H4C8: variants seen among roughly 807,000 people sequenced by gnomAD.
The protein encoded by H4C8 is H4 clustered histone 8.
Under a neutral mutation model 6.0 loss-of-function variants are expected in H4C8, and 8 were observed. The observed-to-expected ratio is 1.33, with a 90% confidence interval of 0.78 to 2.40. The LOEUF is 2.40. H4C8 is among the 30% of genes most tolerant of loss of function. H4C8 has a pLI of 0.00. For missense variants in H4C8, 211 were observed against 143.4 expected, an observed-to-expected ratio of 1.47 and a Z score of -2.41; for synonymous variants, 118 against 51.9, an observed-to-expected ratio of 2.27 and a Z score of -5.47.
chr6:26,285,148 T>C lies in H4C8; in HGVS notation c.*40A>G. 1 of 1,531,084 alleles carries C rather than the reference T, an allele frequency of 6.5e-7. No individual in the cohort carries two copies. The highest frequency in any genetic ancestry group is 8.8e-7 in the Non-Finnish European group (1 of 1,136,964). 94.8% of individuals were successfully genotyped at this position (1,531,084 alleles called of 1,614,324 possible). On this transcript the variant is annotated 3_prime_UTR_variant, in exon 1 of 1. Coordinates refer to ENST00000377727, the MANE Select transcript of H4C8 (RefSeq NM_003543.4). The stretch of plus-strand genomic sequence containing the variant: ...AAGTGGGCGGCCCTGAAAAGGGCCT[T>C]TGGTTGAAAATGAAAATAAGAGTGC...
In H4C8 at chr6:26,285,173, C is replaced by G. The variant is rs949964265; in HGVS notation, c.*15G>C. The G allele has an allele frequency of 1.3e-6, 2 of 1,565,606 alleles. No individual in the cohort carries two copies. Among genetic ancestry groups the G allele is most frequent in the Non-Finnish European group, 1.7e-6 (2 of 1,151,314 alleles). Reference sequence around the variant, plus strand: ...TTGGTTGAAAATGAAAATAAGAGTGCAGCAAGCAGGAGCCTTAGCCACCGA... The same window carrying G: ...TTGGTTGAAAATGAAAATAAGAGTGGAGCAAGCAGGAGCCTTAGCCACCGA... On this transcript the variant is annotated 3_prime_UTR_variant, in exon 1 of 1. Coordinates refer to ENST00000377727, the MANE Select transcript of H4C8 (RefSeq NM_003543.4).
Position 26,285,240 on chromosome 6 carries a change from A to G in H4C8, c.260T>C (p.Val87Ala). The change falls in exon 1 of 1, where the codon GTG becomes GCG. Residue 87 changes from valine to alanine, a missense_variant. Coordinates refer to ENST00000377727, the MANE Select transcript of H4C8 (RefSeq NM_003543.4). ...TCCCTGTCGCTTCAGCGCGTAGACCACATCCATTGCTGTCACGGTCTTGCG... is the reference window on the plus strand; with the variant it reads ...TCCCTGTCGCTTCAGCGCGTAGACCGCATCCATTGCTGTCACGGTCTTGCG... ...AKRKTVTAMD[V>A]VYALKRQGRT... The G allele has an allele frequency of 6.2e-7, 1 of 1,613,488 alleles. No individual in the cohort carries two copies. Among genetic ancestry groups the G allele is most frequent in the Non-Finnish European group, 8.5e-7 (1 of 1,179,428 alleles).
At position 26,285,329 on chromosome 6, in the gene H4C8, A is replaced by C. The variant is rs1561771277; in HGVS notation, c.171T>G (p.Gly57=). The change falls in exon 1 of 1, where the codon GGT becomes GGG. Residue 57 remains glycine, a synonymous_variant. Coordinates refer to ENST00000377727, the MANE Select transcript of H4C8 (RefSeq NM_003543.4). ...CGTTCTCCAGGAACACCTTCAGAAC[A>C]CCACGAGTCTCCTCATAGATAAGGC... ...ISGLIYEETR[G]VLKVFLENVI... 1.2e-6 allele frequency: 2 copies of C among 1,614,074 alleles called. No homozygotes were observed. The highest frequency in any genetic ancestry group is 1.7e-6 in the Non-Finnish European group (2 of 1,180,014).
At position 26,285,275 on chromosome 6, in the gene H4C8, C is replaced by T. The variant is rs41266829; in HGVS notation, c.225G>A (p.Glu75=). ...NVIRDAVTYT[E]HAKRKTVTAM... is the part of the protein sequence containing the mutation. ...CTGTCACGGTCTTGCGTTTGGCGTG[C>T]TCTGTGTAAGTGACAGCGTCACGAA... is the stretch of plus-strand genomic sequence containing the variant. The change falls in exon 1 of 1, where the codon GAG becomes GAA. Residue 75 remains glutamate, a synonymous_variant. Coordinates refer to ENST00000377727, the MANE Select transcript of H4C8 (RefSeq NM_003543.4). 0.14 allele frequency: 220,750 copies of T among 1,613,960 alleles called. 15,867 individuals carry two copies. The highest frequency in any genetic ancestry group is 0.21 in the Middle Eastern group (1,283 of 6,060).
At position 26,285,264 on chromosome 6, in the gene H4C8, C is replaced by G; in HGVS notation, c.236G>C (p.Arg79Pro). The change falls in exon 1 of 1, where the codon CGC becomes CCC. Residue 79 changes from arginine (R) to proline (P), a missense_variant. By Grantham distance (103) the Arg-to-Pro change is moderately radical. Coordinates refer to ENST00000377727, the MANE Select transcript of H4C8 (RefSeq NM_003543.4). ...CACATCCATTGCTGTCACGGTCTTG[C>G]GTTTGGCGTGCTCTGTGTAAGTGAC... Reference protein sequence around the residue: ...DAVTYTEHAKRKTVTAMDVVY... With the variant: ...DAVTYTEHAKPKTVTAMDVVY... 2.5e-6 allele frequency: 4 copies of G among 1,614,098 alleles called. No homozygotes were observed. The highest frequency in any genetic ancestry group is 3.4e-6 in the Non-Finnish European group (4 of 1,179,950).
chr6:26,285,430 G>A lies in H4C8; in HGVS notation c.70C>T (p.Arg24Cys), dbSNP rs760444800. 18 of 1,614,180 alleles carry A rather than the reference G, an allele frequency of 1.1e-5. No individual in the cohort carries two copies. The highest frequency in any genetic ancestry group is 1.7e-5 in the Admixed American group (1 of 60,022). The change falls in exon 1 of 1, where the codon CGC becomes TGC. Residue 24 changes from arginine to cysteine, a missense_variant. By Grantham distance (180) the Arg-to-Cys change is radical. Transcript: ENST00000377727. ...TTAGTGATGCCCTGGATGTTATCGC[G>A]CAAAACCTTGCGATGACGCTTAGCT... is the stretch of plus-strand genomic sequence containing the variant. ...GGAKRHRKVLRDNIQGITKPA... is the reference protein window; with the variant it reads ...GGAKRHRKVLCDNIQGITKPA...
rs41266831 is a variant in H4C8, at chr6:26,285,531, A to G, written c.-32T>C. The stretch of plus-strand genomic sequence containing the variant: ...GCAACTTCTAAAACCAACTTAAGAA[A>G]CCTAAACGCCAAGGCAAAGCAACGC... On this transcript the variant is annotated 5_prime_UTR_variant, in exon 1 of 1. Transcript: ENST00000377727. 212,210 of 1,556,688 alleles carry G rather than the reference A, an allele frequency of 0.14. 15,211 individuals are homozygous for G. Among genetic ancestry groups the G allele is most frequent in the Middle Eastern group, 0.21 (1,225 of 5,784 alleles).
Position 26,285,310 on chromosome 6 carries a change from C to G in H4C8, c.190G>C (p.Glu64Gln). 1 of 1,614,188 alleles carries G rather than the reference C, an allele frequency of 6.2e-7. No individual in the cohort carries two copies. Among genetic ancestry groups the G allele is most frequent in the Non-Finnish European group, 8.5e-7 (1 of 1,180,040 alleles). ...ETRGVLKVFL[E>Q]NVIRDAVTYT... ...GTGACAGCGTCACGAATCACGTTCT[C>G]CAGGAACACCTTCAGAACACCACGA... Residue 64 changes from glutamate to glutamine, a missense_variant, in exon 1 of 1, where the codon GAG becomes CAG. By Grantham distance (29) the Glu-to-Gln change is conservative. Transcript: ENST00000377727.
Position 26,285,427 on chromosome 6 carries a change from C to T in H4C8, c.73G>A (p.Asp25Asn). The change falls in exon 1 of 1, where the codon GAT (aspartate) becomes AAT (asparagine). Residue 25 changes from aspartate (D) to asparagine (N), a missense_variant. Coordinates refer to ENST00000377727, the MANE Select transcript of H4C8 (RefSeq NM_003543.4). ...GGCTTAGTGATGCCCTGGATGTTAT[C>T]GCGCAAAACCTTGCGATGACGCTTA... is the stretch of plus-strand genomic sequence containing the variant. Reference protein sequence around the residue: ...GAKRHRKVLRDNIQGITKPAI... With the variant: ...GAKRHRKVLRNNIQGITKPAI... The T allele has an allele frequency of 1.2e-6, 2 of 1,614,248 alleles. No homozygotes were observed. The highest frequency in any genetic ancestry group is 1.3e-5 in the African/African-American group (1 of 75,072).
At position 26,285,248 on chromosome 6, in the gene H4C8, T is replaced by TGC; in HGVS notation, c.250_251dup (p.Met85GlnfsTer8). ...GCTTCAGCGCGTAGACCACATCCAT[T>TGC]GCTGTCACGGTCTTGCGTTTGGCGT... On this transcript the variant is annotated frameshift_variant, in exon 1 of 1. Coordinates refer to ENST00000377727, the MANE Select transcript of H4C8 (RefSeq NM_003543.4). LOFTEE classifies it high-confidence loss of function. 6.2e-7 allele frequency: 1 copy of TGC among 1,613,888 alleles called. No homozygotes were observed. The highest frequency in any genetic ancestry group is 2.2e-5 in the East Asian group (1 of 44,864).
chr6:26,285,277 C>T lies in H4C8; in HGVS notation c.223G>A (p.Glu75Lys). The change falls in exon 1 of 1, where the codon GAG (glutamate) becomes AAG (lysine). Residue 75 changes from glutamate (E) to lysine (K), a missense_variant. By Grantham distance (56) the Glu-to-Lys change is moderately conservative. Coordinates refer to ENST00000377727, the MANE Select transcript of H4C8 (RefSeq NM_003543.4). ...GTCACGGTCTTGCGTTTGGCGTGCT[C>T]TGTGTAAGTGACAGCGTCACGAATC... The part of the protein sequence containing the change: ...NVIRDAVTYT[E>K]HAKRKTVTAM... 1 of 1,614,216 alleles carries T rather than the reference C, an allele frequency of 6.2e-7. No individual in the cohort carries two copies. The highest frequency in any genetic ancestry group is 8.5e-7 in the Non-Finnish European group (1 of 1,180,032).
At position 26,285,186 on chromosome 6, in the gene H4C8, C is replaced by G. The variant is rs188990278; in HGVS notation, c.*2G>C. 1 of 1,586,154 alleles carries G rather than the reference C, an allele frequency of 6.3e-7. No individual in the cohort carries two copies. Among genetic ancestry groups the G allele is most frequent in the African/African-American group, 1.3e-5 (1 of 74,376 alleles). On this transcript the variant is annotated 3_prime_UTR_variant, in exon 1 of 1. Transcript: ENST00000377727. ...AAAATAAGAGTGCAGCAAGCAGGAG[C>G]CTTAGCCACCGAAGCCGTAAAGAGT...
Position 26,285,488 on chromosome 6 carries a change from A to G in H4C8, c.12T>C (p.Arg4=). 3 of 1,602,396 alleles carry G rather than the reference A, an allele frequency of 1.9e-6. No individual in the cohort carries two copies. The highest frequency in any genetic ancestry group is 2.2e-5 in the East Asian group (1 of 44,574). The stretch of plus-strand genomic sequence containing the variant: ...TACCCAAACCTTTTCCACCTTTACC[A>G]CGGCCAGACATGACTAAGCAACTTC... MSG[R]GKGGKGLGKG... The change falls in exon 1 of 1, where the codon CGT becomes CGC. Residue 4 remains arginine, a synonymous_variant. Transcript: ENST00000377727.
In H4C8 at chr6:26,285,526, A is replaced by G. The variant is rs368405266; in HGVS notation, c.-27T>C. 2.6e-6 allele frequency: 4 copies of G among 1,563,950 alleles called. No individual in the cohort carries two copies. Among genetic ancestry groups the G allele is most frequent in the Non-Finnish European group, 3.5e-6 (4 of 1,151,114 alleles). ...ACTAAGCAACTTCTAAAACCAACTT[A>G]AGAAACCTAAACGCCAAGGCAAAGC... On this transcript the variant is annotated 5_prime_UTR_variant, in exon 1 of 1. Transcript: ENST00000377727.
In H4C8 at chr6:26,285,430, G is replaced by GC; in HGVS notation, c.69dup (p.Arg24AlafsTer3). 6.2e-7 allele frequency: 1 copy of GC among 1,614,182 alleles called. No homozygotes were observed. The highest frequency in any genetic ancestry group is 2.2e-5 in the East Asian group (1 of 44,884). ...TTAGTGATGCCCTGGATGTTATCGC[G>GC]CAAAACCTTGCGATGACGCTTAGCT... is the stretch of plus-strand genomic sequence containing the variant. On this transcript the variant is annotated frameshift_variant, in exon 1 of 1. Coordinates refer to ENST00000377727, the MANE Select transcript of H4C8 (RefSeq NM_003543.4). LOFTEE classifies it high-confidence loss of function.
Position 26,285,140 on chromosome 6 carries a change from A to G in H4C8, c.*48T>C. On this transcript the variant is annotated 3_prime_UTR_variant, in exon 1 of 1. Transcript: ENST00000377727. ...TATGAAAAAAGTGGGCGGCCCTGAAAAGGGCCTTTGGTTGAAAATGAAAAT... is the reference window on the plus strand; with the variant it reads ...TATGAAAAAAGTGGGCGGCCCTGAAGAGGGCCTTTGGTTGAAAATGAAAAT... 1 of 1,521,688 alleles carries G rather than the reference A, an allele frequency of 6.6e-7. No homozygotes were observed. Among genetic ancestry groups the G allele is most frequent in the Non-Finnish European group, 8.8e-7 (1 of 1,133,406 alleles). 94.3% of individuals were successfully genotyped at this position (1,521,688 alleles called of 1,614,324 possible).
chr6:26,285,365 C>A lies in H4C8; in HGVS notation c.135G>T (p.Lys45Asn), dbSNP rs200515414. Residue 45 changes from lysine (K) to asparagine (N), a missense_variant, in exon 1 of 1, where the codon AAG becomes AAT. By Grantham distance (94) the Lys-to-Asn change is moderately conservative. Transcript: ENST00000377727. ...CCTCATAGATAAGGCCAGAAATTCG[C>A]TTGACACCGCCGCGACGAGCAAGGC... ...IRRLARRGGV[K>N]RISGLIYEET... 1.2e-6 allele frequency: 2 copies of A among 1,614,250 alleles called. No individual in the cohort carries two copies. The highest frequency in any genetic ancestry group is 1.1e-5 in the South Asian group (1 of 91,092).
rs143923288 is a variant in H4C8, at chr6:26,285,200, G to A, written c.300C>T (p.Gly100=). The part of the protein sequence containing the change: ...ALKRQGRTLY[G]FGG ...GCAAGCAGGAGCCTTAGCCACCGAA[G>A]CCGTAAAGAGTGCGTCCCTGTCGCT... Residue 100 remains glycine, a synonymous_variant, in exon 1 of 1, where the codon GGC becomes GGT. Transcript: ENST00000377727. 5.5e-4 allele frequency: 875 copies of A among 1,596,064 alleles called. 2 individuals carry two copies. The highest frequency in any genetic ancestry group is 6.6e-4 in the Non-Finnish European group (775 of 1,166,106).
chr6:26,285,465 C>A lies in H4C8; in HGVS notation c.35G>T (p.Gly12Val), dbSNP rs1025475382. The A allele has an allele frequency of 1.1e-5, 18 of 1,610,194 alleles. No individual in the cohort carries two copies. Among genetic ancestry groups the A allele is most frequent in the Non-Finnish European group, 1.5e-5 (18 of 1,176,656 alleles). ...GCGATGACGCTTAGCTCCTCCCTTA[C>A]CCAAACCTTTTCCACCTTTACCACG... ...SGRGKGGKGL[G>V]KGGAKRHRKV... is the part of the protein sequence containing the mutation. The change falls in exon 1 of 1, where the codon GGT becomes GTT. Residue 12 changes from glycine to valine, a missense_variant. Gly to Val is a moderately radical substitution (Grantham distance 109). Transcript: ENST00000377727.
Sources: gnomAD v4.1 joint callset for allele counts on GRCh38, gnomAD v4.1.1 for gene constraint, MANE v1.5 for transcripts, NCBI Gene and HGNC (gene_info 2026-07-23, HGNC 2026-07-21) for gene names.